Variants in SANBR observed in about 807,000 individuals in gnomAD.
SANBR encodes SANT and BTB domain regulator of class switch recombination.
Under a neutral mutation model 101.8 loss-of-function variants are expected in SANBR, and 77 were observed. The observed-to-expected ratio is 0.76, with a 90% CI of 0.63 to 0.91. The LOEUF is 0.91. SANBR is among the 40% of genes least tolerant of loss of function. SANBR has a pLI of 0.00. For missense variants in SANBR, 875 were observed against 853.0 expected (o/e 1.03, Z -0.32); for synonymous variants, 279 against 274.7 (o/e 1.02, Z -0.15).
chr2:61,099,375 T>C (rs1464237713), intron 12 of SANBR, among the ~76,000 whole-genome samples: 2 of 152,144 alleles, frequency 1.3e-5, no homozygotes, highest in Non-Finnish European at 2.9e-5. Context: ...GAATTTAATA[T>C]TTAAGAGATA....
intron 10 of SANBR, 120 bp from the exon 11 acceptor site, chr2:61,092,344 A>G: frequency 4.5e-6 from 3 of 667,186 alleles, no homozygotes; most frequent in Non-Finnish European, 4.4e-6. Context: ...AGATCATGCC[A>G]TTGCACTCCA....
Position 61,088,517 on chromosome 2 carries a change from ATAGTT to A in SANBR, c.1088+50_1088+54del, listed in dbSNP as rs776195830. The A allele has an allele frequency of 1.6e-5, 18 of 1,153,880 alleles. No homozygotes were observed. In the African/African-American group the frequency reaches 1.7e-4, roughly 11 times the overall value. 71.5% of individuals were successfully genotyped at this position (1,153,880 alleles called of 1,614,324 possible). A position where few individuals can be genotyped will look rare whatever the true frequency, so the allele number is the denominator to read the frequency against. ...CATGTATTTTTGTATATATATATAT[ATAGTT>A]GTTGTTGTTGTTTTGGAGACGGAGT... On this transcript the variant is annotated intron_variant, in intron 10 of 21. Transcript: ENST00000402291.
chr2:61,095,051 A>G (rs1030291730), intron 11 of SANBR, among the ~76,000 whole-genome samples: 2 of 152,256 alleles, frequency 1.3e-5, no homozygotes, highest in East Asian at 1.9e-4. Flanking sequence ...TTGCATTTCT[A>G]CCAGCTACAT....
rs1473869231 is a variant in SANBR at position 61,122,991 on chromosome 2, A to C, written c.*829A>C. ...CCAACCATATTTCTGTAACCATTCA[A>C]ATAACTCCTTAAAACAGTTATACTT... is the stretch of plus-strand genomic sequence containing the variant. On this transcript the variant is annotated 3_prime_UTR_variant, in exon 22 of 22. Transcript: ENST00000402291. The C allele has an allele frequency of 2.0e-6, 2 of 983,924 alleles. No homozygotes were observed. The highest frequency in any genetic ancestry group is 2.4e-6 in the Non-Finnish European group (2 of 828,432). 60.9% of individuals were successfully genotyped at this position (983,924 alleles called of 1,614,324 possible).
chr2:61,082,645 G>A (rs34486439), intron 7 of SANBR, among the ~76,000 whole-genome samples: 3,269 of 152,150 alleles, frequency 0.021, 61 homozygotes, highest in Non-Finnish European at 0.034. Flanking sequence ...ATGGTGAAAC[G>A]CTGTATCTAC....
At chr2:61,092,338 C>G (rs1573620791) in intron 10 of SANBR, 126 bp from the exon 11 acceptor site, 3 of 594,368 alleles carry the variant, frequency 5.0e-6, no homozygotes, top group Non-Finnish European at 7.5e-6. Context: ...GAGCCAAGAT[C>G]ATGCCATTGC....
intron 17 of SANBR, 64 bp downstream of exon 17, chr2:61,116,134 A>G: frequency 8.7e-7 from 1 of 1,148,148 alleles, no homozygotes; most frequent in Middle Eastern, 2.0e-4. Context: ...TATAGCCAGA[A>G]AAAAATAAAA....
chr2:61,090,415 G>T (rs1682678845), intron 10 of SANBR: 1 of 151,420 alleles, frequency 6.6e-6, no homozygotes, highest in African/African-American at 2.4e-5. Context: ...CATTTTTGTT[G>T]TTTTATTCAA....
At chr2:61,082,352 C>T (rs1395222296) in intron 7 of SANBR, among the ~76,000 whole-genome samples, 1 of 152,108 alleles carries the variant, frequency 6.6e-6, no homozygotes, top group African/African-American at 2.4e-5. Flanking sequence ...TGGAAGAATA[C>T]ATGATTATCC....
intron 16 of SANBR, among the ~76,000 whole-genome samples, chr2:61,109,673 T>C (rs1324068328): frequency 1.3e-5 from 2 of 149,290 alleles, no homozygotes; most frequent in Non-Finnish European, 3.0e-5. Flanking sequence ...CATGTTTTTT[T>C]TGTGTTTGTT....
chr2:61,071,711 A>G lies in SANBR; in HGVS notation c.256A>G (p.Thr86Ala), dbSNP rs144762696. The G allele has an allele frequency of 2.4e-5, 38 of 1,608,124 alleles. No homozygotes were observed. Among genetic ancestry groups the G allele is most frequent in the Non-Finnish European group, 3.1e-5 (36 of 1,178,164 alleles). ...AGAGAGTCCTGTTGAAACTTTAGCC[A>G]CATATATCAAATCCTCACTTCTTGA... The part of the protein sequence containing the change: ...AGESPVETLA[T>A]YIKSSLLDIH... Residue 86 changes from threonine (T) to alanine (A), a missense_variant, in exon 4 of 22, where the codon ACA (threonine) becomes GCA (alanine). By Grantham distance (58) the Thr-to-Ala change is moderately conservative. Coordinates refer to ENST00000402291, the MANE Select transcript of SANBR (RefSeq NM_001129993.3).
downstream of SANBR, among the ~76,000 whole-genome samples, chr2:61,126,113 G>T (rs1466747271): frequency 6.6e-6 from 1 of 152,146 alleles, no homozygotes; most frequent in Non-Finnish European, 1.5e-5. Flanking sequence ...AACAGAACTT[G>T]TGATATCTCT....
intron 11 of SANBR, among the ~76,000 whole-genome samples, chr2:61,094,638 CTTTTTTTT>C (rs35061669): frequency 1.3e-5 from 1 of 79,016 alleles, no homozygotes; most frequent in African/African-American, 5.1e-5. Context: ...TATTTCTCTT[CTTTTTTTT>C]TTTTTTTTTT....
chr2:61,079,242 CA>C (rs1681958177), intron 6 of SANBR, among the ~76,000 whole-genome samples: 1 of 151,912 alleles, frequency 6.6e-6, no homozygotes, highest in African/African-American at 2.4e-5. Context: ...GTCCTGAGAT[CA>C]AAAGTTCAAG....
intron 10 of SANBR, 122 bp downstream of exon 10, chr2:61,088,590 G>T: frequency 3.4e-6 from 2 of 580,422 alleles, no homozygotes; most frequent in Non-Finnish European, 5.4e-6. Context: ...TGTGGTCTTG[G>T]CTGACTGCAA....
chr2:61,118,748 G>A (rs1684201032), intron 20 of SANBR, among the ~76,000 whole-genome samples: 2 of 151,840 alleles, frequency 1.3e-5, no homozygotes, highest in South Asian at 4.2e-4. Context: ...TTTTAGTAGA[G>A]ACGGGGTTTC....
At position 61,117,524 on chromosome 2, in the gene SANBR, T is replaced by C. The variant is rs1255886306; in HGVS notation, c.1923T>C (p.Asp641=). 3 of 1,613,428 alleles carry C rather than the reference T, an allele frequency of 1.9e-6. No individual in the cohort carries two copies. Reference sequence around the variant, plus strand: ...CAAGATCCTTGAGATTCAACCAGGATGCACAAAGAGAAGACGGTAAATTTT... The same window carrying C: ...CAAGATCCTTGAGATTCAACCAGGACGCACAAAGAGAAGACGGTAAATTTT... ...DATRSLRFNQ[D]AQREDDQRRM... Residue 641 remains aspartate (D), a synonymous_variant, in exon 19 of 22, where the codon GAT becomes GAC. Coordinates refer to ENST00000402291, the MANE Select transcript of SANBR (RefSeq NM_001129993.3).
At chr2:61,073,364 C>T (rs1030543805) in intron 4 of SANBR, 94 bp from the exon 5 acceptor site, 2 of 511,564 alleles carry the variant, frequency 3.9e-6, no homozygotes, top group Non-Finnish European at 6.9e-6. Context: ...CATGCATTTA[C>T]AGTATTACCA....
chr2:61,107,309 C>T (rs1007753181), intron 14 of SANBR, among the ~76,000 whole-genome samples: 1 of 152,154 alleles, frequency 6.6e-6, no homozygotes, highest in East Asian at 1.9e-4. Flanking sequence ...ATAAAATTAT[C>T]CTTTTATTGT....
Sources: gnomAD v4.1 joint callset for allele counts (sites outside exome capture counted in the v4.1 genomes callset) on GRCh38, gnomAD v4.1.1 for gene constraint, MANE v1.5 for transcripts, NCBI Gene and HGNC (gene_info 2026-07-23, HGNC 2026-07-21) for gene names.